TNIK: variants seen among roughly 807,000 people sequenced by gnomAD.
TNIK encodes the protein TRAF2 and NCK-interacting protein kinase.
Under a neutral mutation model 191.3 loss-of-function variants are expected in TNIK, and 49 were observed. The observed-to-expected ratio is 0.26, with a 90% CI of 0.20 to 0.32. The LOEUF (loss-of-function observed/expected upper bound fraction) is 0.32, where lower values mean the gene tolerates loss of function less well. Ranked by LOEUF, TNIK falls within the 10% of genes least tolerant of loss-of-function variation. The probability of loss-of-function intolerance (pLI) is 1.00; values close to 1 mark genes in which losing one functional copy is unlikely to be tolerated. For synonymous variants in TNIK, 594 were observed against 600.9 expected (o/e 0.99, Z 0.17); for missense variants, 1,155 against 1,702.3 (o/e 0.68, Z 5.66).
At position 171,191,965 on chromosome 3, in the gene TNIK, A is replaced by AT. The variant is rs1179476484; in HGVS notation, c.418-1179dup. On this transcript the variant is annotated intron_variant, in intron 5 of 32. Transcript: ENST00000436636. ...CCCCGAGTGTTCTTTATTACCTTTA[A>AT]TTTTTTGTGCTTTTCATCTTCTCCA... Among the ~76,000 whole-genome samples, 3 of 152,160 alleles carry AT rather than the reference A, an allele frequency of 2.0e-5. No homozygotes were observed. The East Asian group carries it at 5.8e-4, about 29-fold the overall frequency.
At chr3:171,259,233 A>G (rs368910452) in intron 2 of TNIK, among the ~76,000 whole-genome samples, 1 of 152,214 alleles carries the variant, frequency 6.6e-6, no homozygotes, top group Admixed American at 6.5e-5. Context: ...GTGTTGACAA[A>G]AAGTTGGAAG....
intron 29 of TNIK, among the ~76,000 whole-genome samples, chr3:171,069,790 C>G (rs1316946547): frequency 6.6e-6 from 1 of 152,220 alleles, no homozygotes; most frequent in Non-Finnish European, 1.5e-5. Context: ...ATTTGTGAAA[C>G]TACAATTGCC....
chr3:171,142,126 G>A (rs868193647), intron 12 of TNIK, among the ~76,000 whole-genome samples: 10 of 152,208 alleles, frequency 6.6e-5, no homozygotes, highest in African/African-American at 2.4e-4. Context: ...TTAAGACTCA[G>A]TTTCTGTCAC....
At chr3:171,266,979 G>A (rs1193081297) in intron 2 of TNIK, among the ~76,000 whole-genome samples, 3 of 152,152 alleles carry the variant, frequency 2.0e-5, no homozygotes, top group Non-Finnish European at 4.4e-5. Context: ...CTCTTATAAT[G>A]AGAAGCCTAG....
intron 4 of TNIK, among the ~76,000 whole-genome samples, chr3:171,205,200 CCTAA>C (rs1353097894): frequency 3.3e-5 from 5 of 152,248 alleles, no homozygotes; most frequent in South Asian, 2.1e-4. Context: ...ATATTAATTT[CCTAA>C]CTATTATGTT....
chr3:171,167,381 G>T, intron 9 of TNIK, 111 bp from the exon 10 acceptor site: 1 of 1,312,112 alleles, frequency 7.6e-7, no homozygotes, highest in Non-Finnish European at 1.0e-6. Flanking sequence ...CAATTGGCTG[G>T]CATAGGGATC....
chr3:171,293,923 T>C (rs1411385598), intron 2 of TNIK, among the ~76,000 whole-genome samples: 1 of 151,918 alleles, frequency 6.6e-6, no homozygotes. Context: ...CTACAAAAAA[T>C]AAAAAATATA....
intron 2 of TNIK, among the ~76,000 whole-genome samples, chr3:171,247,417 T>C (rs1309851714): frequency 6.6e-6 from 1 of 152,228 alleles, no homozygotes; most frequent in Admixed American, 6.5e-5. Flanking sequence ...TCCAGGAAGA[T>C]AACATCTCTG....
chr3:171,106,183 C>G (rs1490702943), intron 21 of TNIK, among the ~76,000 whole-genome samples: 2 of 152,196 alleles, frequency 1.3e-5, no homozygotes, highest in African/African-American at 4.8e-5. Flanking sequence ...ATGCCTCTGG[C>G]CCAAACCTTA....
chr3:171,122,257 C>T (rs1727854349), intron 18 of TNIK, among the ~76,000 whole-genome samples: 2 of 152,212 alleles, frequency 1.3e-5, no homozygotes, highest in South Asian at 4.2e-4. Flanking sequence ...GAACAGAGCC[C>T]CCGGGGGCAG....
At chr3:171,131,323 G>C in intron 15 of TNIK, among the ~76,000 whole-genome samples, 1 of 103,162 alleles carries the variant, frequency 9.7e-6, no homozygotes, top group African/African-American at 3.6e-5. Context: ...GGGCGACAGA[G>C]CGAGACTCCG....
chr3:171,291,571 C>T (rs1480512255), intron 2 of TNIK, among the ~76,000 whole-genome samples: 1 of 152,186 alleles, frequency 6.6e-6, no homozygotes, highest in Non-Finnish European at 1.5e-5. Context: ...CTGTTAAACT[C>T]TCTGCTGGCC....
At chr3:171,340,375 T>C (rs1220438828) in intron 2 of TNIK, among the ~76,000 whole-genome samples, 1 of 152,230 alleles carries the variant, frequency 6.6e-6, no homozygotes, top group African/African-American at 2.4e-5. Context: ...CCCTTGACAA[T>C]ACTTAGCCCA....
intron 3 of TNIK, among the ~76,000 whole-genome samples, chr3:171,213,297 A>G (rs1405006874): frequency 2.6e-5 from 4 of 152,096 alleles, no homozygotes; most frequent in Non-Finnish European, 5.9e-5. Flanking sequence ...GCCTAAATAG[A>G]AAGGGAGAAA....
At chr3:171,258,675 C>A (rs963753056) in intron 2 of TNIK, among the ~76,000 whole-genome samples, 2 of 152,118 alleles carry the variant, frequency 1.3e-5, no homozygotes, top group Non-Finnish European at 2.9e-5. Flanking sequence ...TTTAGGACTT[C>A]GCTCCATTTC....
At chr3:171,243,272 A>G (rs1195020515) in intron 2 of TNIK, among the ~76,000 whole-genome samples, 1 of 152,194 alleles carries the variant, frequency 6.6e-6, no homozygotes, top group African/African-American at 2.4e-5. Context: ...ACTATTAAGG[A>G]AAAGGGCAGC....
intron 2 of TNIK, among the ~76,000 whole-genome samples, chr3:171,255,957 A>G (rs995382574): frequency 6.6e-6 from 1 of 152,172 alleles, no homozygotes; most frequent in African/African-American, 2.4e-5. Flanking sequence ...CTAGTTCTCC[A>G]GGAGGAACTC....
At chr3:171,217,615 T>C (rs1362852676) in intron 3 of TNIK, among the ~76,000 whole-genome samples, 1 of 152,162 alleles carries the variant, frequency 6.6e-6, no homozygotes, top group Non-Finnish European at 1.5e-5. Flanking sequence ...CAGTCATAAT[T>C]GTAAATGTCA....
chr3:171,117,053 GA>G (rs1726826875), intron 18 of TNIK, among the ~76,000 whole-genome samples: 1 of 152,226 alleles, frequency 6.6e-6, no homozygotes, highest in Non-Finnish European at 1.5e-5. Context: ...AAAAGCATGT[GA>G]TGACACTAGT....
Sources: gnomAD v4.1 joint callset for allele counts (sites outside exome capture counted in the v4.1 genomes callset) on GRCh38, gnomAD v4.1.1 for gene constraint, MANE v1.5 for transcripts, NCBI Gene and HGNC (gene_info 2026-07-23, HGNC 2026-07-21) for gene names.